DTNB: variants seen among roughly 807,000 people sequenced by gnomAD.
The protein encoded by DTNB is dystrobrevin beta.
In DTNB, 63 loss-of-function variants were observed where a neutral mutation model predicts 90.7. The ratio of observed to expected loss-of-function variants is 0.69; its 90% confidence interval spans 0.57 to 0.86. The LOEUF is 0.86. Among genes scored for constraint, DTNB ranks in the 40% least tolerant of loss-of-function variants. The probability of loss-of-function intolerance (pLI) is 0.00; values close to 1 mark genes in which losing one functional copy is unlikely to be tolerated. For missense variants in DTNB, 744 were observed against 807.1 expected, an observed-to-expected ratio of 0.92 and a Z score of 0.95; for synonymous variants, 277 against 286.7, an observed-to-expected ratio of 0.97 and a Z score of 0.34.
chr2:25,507,605 T>A (rs1032369467), intron 9 of DTNB, among the ~76,000 whole-genome samples: 1 of 152,182 alleles, frequency 6.6e-6, no homozygotes, highest in African/African-American at 2.4e-5. Flanking sequence ...TCTACTGTTA[T>A]CCACCTCGTC....
intron 2 of DTNB, among the ~76,000 whole-genome samples, chr2:25,641,952 C>G (rs1439123298): frequency 6.6e-6 from 1 of 152,160 alleles, no homozygotes; most frequent in Non-Finnish European, 1.5e-5. Flanking sequence ...TCCCGAGTAG[C>G]TGGGACAACA....
At position 25,387,359 on chromosome 2, in the gene DTNB, G is replaced by A; in HGVS notation, c.1755C>T (p.Arg585=). 1 of 1,612,414 alleles carries A rather than the reference G, an allele frequency of 6.2e-7. No individual in the cohort carries two copies. Among genetic ancestry groups the A allele is most frequent in the Non-Finnish European group, 8.5e-7 (1 of 1,179,274 alleles). The change falls in exon 18 of 21, where the codon CGC becomes CGT. Residue 585 remains arginine, a synonymous_variant. Coordinates refer to ENST00000406818, the MANE Select transcript of DTNB (RefSeq NM_021907.5). The surrounding 1 kb of genome is among the most constrained non-coding windows in gnomAD (Gnocchi z 4.5). Reference sequence around the variant, plus strand: ...AGTCAGCTGCCACCAGCAGGTCATTGCGGAGGTTTCTCCTCGTACCTGAGG... The same window carrying A: ...AGTCAGCTGCCACCAGCAGGTCATTACGGAGGTTTCTCCTCGTACCTGAGG... ...AFAQGTRRNL[R]NDLLVAADSI... is the part of the protein sequence containing the mutation.
At chr2:25,499,964 T>C (rs978949550) in intron 9 of DTNB, among the ~76,000 whole-genome samples, 1 of 152,228 alleles carries the variant, frequency 6.6e-6, no homozygotes, top group Non-Finnish European at 1.5e-5. Flanking sequence ...GGCATGATTA[T>C]AGCTCACTAC....
chr2:25,587,422 G>C (rs931050712), intron 6 of DTNB, among the ~76,000 whole-genome samples: 1 of 152,152 alleles, frequency 6.6e-6, no homozygotes, highest in Non-Finnish European at 1.5e-5. Flanking sequence ...TTGAATACTA[G>C]TTAGTCATAC....
intron 10 of DTNB, among the ~76,000 whole-genome samples, chr2:25,457,032 C>T (rs557331658): frequency 2.6e-5 from 4 of 151,656 alleles, no homozygotes; most frequent in South Asian, 4.2e-4. Flanking sequence ...TTTTTTGAGA[C>T]GGAGTATCAC....
At chr2:25,496,052 T>C (rs1314410376) in intron 9 of DTNB, among the ~76,000 whole-genome samples, 1 of 152,142 alleles carries the variant, frequency 6.6e-6, no homozygotes, top group African/African-American at 2.4e-5. Flanking sequence ...CACCACTAGA[T>C]AGTGTCTAGA....
intron 4 of DTNB, among the ~76,000 whole-genome samples, chr2:25,621,076 C>G (rs1265737855): frequency 6.6e-6 from 1 of 152,108 alleles, no homozygotes; most frequent in Non-Finnish European, 1.5e-5. Context: ...AATCTTCCCA[C>G]TCAGCATAGG....
chr2:25,466,034 CTT>C (rs2061712501), intron 10 of DTNB, among the ~76,000 whole-genome samples: 4 of 152,136 alleles, frequency 2.6e-5, no homozygotes, highest in African/African-American at 9.7e-5. Context: ...TAATCAGTTA[CTT>C]CTAAAGAAGT....
At chr2:25,506,625 CCT>C (rs1410484530) in intron 9 of DTNB, among the ~76,000 whole-genome samples, 1 of 152,066 alleles carries the variant, frequency 6.6e-6, no homozygotes, top group African/African-American at 2.4e-5. Flanking sequence ...GAGGAAATAC[CCT>C]GACTTGATCA....
intron 4 of DTNB, among the ~76,000 whole-genome samples, chr2:25,625,840 G>A (rs1240265803): frequency 3.3e-5 from 5 of 152,018 alleles, no homozygotes; most frequent in East Asian, 3.9e-4. Flanking sequence ...CCCAAGGTAC[G>A]GTATTAGAAG....
intron 8 of DTNB, among the ~76,000 whole-genome samples, chr2:25,553,231 C>T (rs1252275685): frequency 6.6e-6 from 1 of 151,882 alleles, no homozygotes; most frequent in African/African-American, 2.4e-5. Flanking sequence ...GGGAGTATGC[C>T]TATAGTCATA....
chr2:25,473,964 C>T (rs776602220), intron 10 of DTNB, among the ~76,000 whole-genome samples: 2 of 152,204 alleles, frequency 1.3e-5, no homozygotes, highest in Non-Finnish European at 2.9e-5. Flanking sequence ...CGCTTGGTCA[C>T]GCTCAGGACC....
At chr2:25,604,239 T>A (rs1046780462) in intron 5 of DTNB, among the ~76,000 whole-genome samples, 1 of 151,628 alleles carries the variant, frequency 6.6e-6, no homozygotes, top group African/African-American at 2.4e-5. Context: ...TGAAAAAGCA[T>A]AATAGTCTCA....
intron 9 of DTNB, among the ~76,000 whole-genome samples, chr2:25,505,847 T>G (rs1346660113): frequency 1.3e-5 from 2 of 152,236 alleles, no homozygotes; most frequent in African/African-American, 4.8e-5. Flanking sequence ...TCAAAGGTTC[T>G]GAGTCAGCAC....
intron 6 of DTNB, among the ~76,000 whole-genome samples, chr2:25,582,057 T>C (rs987832768): frequency 1.3e-5 from 2 of 152,168 alleles, no homozygotes; most frequent in South Asian, 2.1e-4. Flanking sequence ...ATAAAAAATA[T>C]AGGTGTTTCC....
intron 16 of DTNB, among the ~76,000 whole-genome samples, chr2:25,396,403 T>C (rs985074095): frequency 6.6e-6 from 1 of 151,856 alleles, no homozygotes; most frequent in African/African-American, 2.4e-5. Flanking sequence ...ACCAGCTACT[T>C]GGGAGGCTGA....
intron 4 of DTNB, among the ~76,000 whole-genome samples, chr2:25,621,481 T>C (rs2072613474): frequency 6.6e-6 from 1 of 150,408 alleles, no homozygotes; most frequent in Admixed American, 6.7e-5. Context: ...AGTTTTGCTC[T>C]TATTGCCCAG....
chr2:25,617,506 T>C (rs753350713), intron 4 of DTNB, among the ~76,000 whole-genome samples: 20 of 152,166 alleles, frequency 1.3e-4, no homozygotes, highest in Non-Finnish European at 2.8e-4. Flanking sequence ...GTTAGTGCTA[T>C]CAAAAGGTTT....
intron 8 of DTNB, among the ~76,000 whole-genome samples, chr2:25,570,655 C>T (rs994162784): frequency 2.6e-5 from 4 of 152,150 alleles, no homozygotes; most frequent in African/African-American, 9.7e-5. Context: ...CTTCCTCCTC[C>T]TCAAAACACA....
Sources: gnomAD v4.1 joint callset for allele counts (sites outside exome capture counted in the v4.1 genomes callset) on GRCh38, gnomAD v4.1.1 for gene constraint, Gnocchi (gnomAD v3.1) non-coding constraint, MANE v1.5 for transcripts, NCBI Gene and HGNC (gene_info 2026-07-23, HGNC 2026-07-21) for gene names.